Variants in TMEM234 observed in about 807,000 individuals in gnomAD.
TMEM234 encodes chromosome 1 open reading frame 91.
TMEM234 carries 21 observed loss-of-function variants against 17.8 expected under a neutral mutation model. The ratio of observed to expected loss-of-function variants is 1.18; its 90% CI spans 0.84 to 1.70. TMEM234 has a LOEUF of 1.70. TMEM234 is among the 40% of genes most tolerant of loss of function. The pLI, the probability that TMEM234 is intolerant of heterozygous loss-of-function variation, is 0.00. For missense variants in TMEM234, 137 were observed against 166.9 expected, an observed-to-expected ratio of 0.82 and a Z score of 0.99; for synonymous variants, 83 against 73.5, an observed-to-expected ratio of 1.13 and a Z score of -0.66.
downstream of TMEM234, chr1:32,215,476 A>G (rs1235101160): frequency 2.5e-6 from 4 of 1,613,392 alleles, no homozygotes; most frequent in Non-Finnish European, 3.4e-6. Context: ...CACCGAAGGA[A>G]GGAGACAGCG....
intron 3 of TMEM234, among the ~76,000 whole-genome samples, chr1:32,219,495 C>T (rs565867143): frequency 3.3e-5 from 5 of 152,252 alleles, no homozygotes; most frequent in East Asian, 3.9e-4. Context: ...TGAGCTCAAG[C>T]GATCCTCCCA....
chr1:32,215,368 A>G (rs1473461903), downstream of TMEM234: 66 of 1,289,780 alleles, frequency 5.1e-5, no homozygotes, highest in Middle Eastern at 5.5e-4. Flanking sequence ...AGGGGCTAGC[A>G]TGAAGGTCCA....
intron 3 of TMEM234, among the ~76,000 whole-genome samples, chr1:32,220,357 A>G (rs951827365): frequency 6.6e-6 from 1 of 152,160 alleles, no homozygotes; most frequent in African/African-American, 2.4e-5. Context: ...TGTTATTTTT[A>G]GTAGAGACGG....
chr1:32,215,666 T>C (rs1569782599), downstream of TMEM234: 25 of 1,118,384 alleles, frequency 2.2e-5, no homozygotes, highest in East Asian at 2.8e-4. Flanking sequence ...ATCTCCTAAC[T>C]TCCTACCTTG....
chr1:32,214,715 G>A (rs1638244521), downstream of TMEM234: 4 of 1,575,640 alleles, frequency 2.5e-6, no homozygotes, highest in South Asian at 4.7e-5. Flanking sequence ...AGGCGTCAGG[G>A]GCTCTCTGAA....
rs772513967 is a variant in TMEM234, at chr1:32,222,049, C to G, written c.17-31G>C. The G allele has an allele frequency of 3.2e-6, 5 of 1,577,302 alleles. No individual in the cohort carries two copies. The African/African-American group carries it at 4.1e-5, about 13-fold the overall frequency. On this transcript the variant is annotated intron_variant, in intron 1 of 4. Coordinates refer to ENST00000309777, the MANE Select transcript of TMEM234 (RefSeq NM_019118.5). ...TGCAGACGAGTGAGTCACCCTGACC[C>G]CCACCCCAAACGGCCGCCCACCCCG...
chr1:32,219,824 TG>T (rs755093619), intron 3 of TMEM234, among the ~76,000 whole-genome samples: 5 of 152,182 alleles, frequency 3.3e-5, no homozygotes, highest in African/African-American at 4.8e-5. Flanking sequence ...CTTGCAATCT[TG>T]GTTAGGATAT....
Position 32,216,733 on chromosome 1 carries a change from A to C in TMEM234, c.*120T>G. The C allele has an allele frequency of 1.3e-6, 2 of 1,517,080 alleles. No individual in the cohort carries two copies. The highest frequency in any genetic ancestry group is 1.8e-6 in the Non-Finnish European group (2 of 1,128,298). 94.0% of individuals were successfully genotyped at this position (1,517,080 alleles called of 1,614,324 possible). On this transcript the variant is annotated 3_prime_UTR_variant, in exon 5 of 5. Coordinates refer to ENST00000309777, the MANE Select transcript of TMEM234 (RefSeq NM_019118.5). ...GATCCATGAGGTAGCTGTTATCCCC[A>C]TAAGAGAGGAGGAAGCTAAGGCCAG...
downstream of TMEM234, chr1:32,215,960 C>A (rs1248793751): frequency 7.3e-7 from 1 of 1,374,810 alleles, no homozygotes. Context: ...TCCTTAGCCT[C>A]CAGCAGCTTG....
chr1:32,217,366 T>A lies in TMEM234; in HGVS notation c.236-15A>T. 6.3e-7 allele frequency: 1 copy of A among 1,599,354 alleles called. No individual in the cohort carries two copies. The highest frequency in any genetic ancestry group is 1.3e-5 in the African/African-American group (1 of 74,694). On this transcript the variant is annotated splice_polypyrimidine_tract_variant and intron_variant, in intron 3 of 4. Transcript: ENST00000309777. ...CAGGGTCAGATCTGGGTGGTCAGAA[T>A]GAAAAGAATGCCTGAGATGCAACAA...
At chr1:32,215,472 AG>A (rs753109418), downstream of TMEM234, 1 of 1,613,554 alleles carries the variant, frequency 6.2e-7, no homozygotes, top group Admixed American at 1.7e-5. Flanking sequence ...TCCCCACCGA[AG>A]GAAGGAGACA....
At chr1:32,222,139 G>A (rs1027939551) in intron 1 of TMEM234, 121 bp from the exon 2 acceptor site, 34 of 1,502,364 alleles carry the variant, frequency 2.3e-5, no homozygotes, top group Non-Finnish European at 2.7e-5. Context: ...TCTTCGCCTC[G>A]GCTGCGACTG....
At chr1:32,221,804 ACTC>A (rs1048415595) in intron 2 of TMEM234, 60 bp downstream of exon 2, 55 of 1,600,016 alleles carry the variant, frequency 3.4e-5, no homozygotes, top group Admixed American at 1.9e-4. Context: ...GACCTGTTTG[ACTC>A]CAAAGACCAA....
chr1:32,214,670 G>T, downstream of TMEM234: 1 of 1,383,830 alleles, frequency 7.2e-7, no homozygotes, highest in Middle Eastern at 1.9e-4. Context: ...CGTACTTTGT[G>T]AAGACAGACG....
rs199668720 is a variant in TMEM234 at position 32,222,288 on chromosome 1, G to A, written c.16+19C>T. On this transcript the variant is annotated intron_variant, in intron 1 of 4. Coordinates refer to ENST00000309777, the MANE Select transcript of TMEM234 (RefSeq NM_019118.5). The stretch of plus-strand genomic sequence containing the variant: ...GCGAGGGTCGGGAAATCCATGGAAG[G>A]GCGGGGCCGGCTACCTACCCAGAGA... 1.5e-4 allele frequency: 236 copies of A among 1,544,280 alleles called. 1 individual carries two copies. The highest frequency in any genetic ancestry group is 5.4e-4 in the Admixed American group (26 of 48,300).
At chr1:32,217,460 C>A in intron 3 of TMEM234, 109 bp from the exon 4 acceptor site, 1 of 1,557,748 alleles carries the variant, frequency 6.4e-7, no homozygotes. Context: ...ATCAAAACCC[C>A]ATCTTCCAGA....
chr1:32,221,222 C>G (rs116269562), intron 2 of TMEM234, 25 bp from the exon 3 acceptor site: 14 of 1,589,880 alleles, frequency 8.8e-6, no homozygotes, highest in Non-Finnish European at 1.2e-5. Flanking sequence ...AACCTGCAGT[C>G]AGTGTGATGG....
In TMEM234 at chr1:32,216,303, T is replaced by C; in HGVS notation, c.*550A>G. ...CTACCTGTTTAAGAGGGGCTGGCAG[T>C]GAGGATTTCTGCCTACCTCATGGGT... is the stretch of plus-strand genomic sequence containing the variant. On this transcript the variant is annotated 3_prime_UTR_variant, in exon 5 of 5. Transcript: ENST00000309777. 6.6e-7 allele frequency: 1 copy of C among 1,508,676 alleles called. No individual in the cohort carries two copies. Among genetic ancestry groups the C allele is most frequent in the Admixed American group, 2.0e-5 (1 of 49,796 alleles). 93.5% of individuals were successfully genotyped at this position (1,508,676 alleles called of 1,614,324 possible).
chr1:32,217,984 TAA>T (rs1418821611), intron 3 of TMEM234, among the ~76,000 whole-genome samples: 2 of 152,144 alleles, frequency 1.3e-5, no homozygotes, highest in Non-Finnish European at 2.9e-5. Flanking sequence ...GAGTTAAAAA[TAA>T]AAAGTGTCAG....
Sources: allele counts gnomAD v4.1 joint callset (sites outside exome capture counted in the v4.1 genomes callset), GRCh38; gene constraint gnomAD v4.1.1; transcripts MANE v1.5; gene names NCBI Gene and HGNC (gene_info 2026-07-23, HGNC 2026-07-21).